ARID1B: variants seen among roughly 807,000 people sequenced by gnomAD.
ARID1B encodes the protein AT-rich interaction domain 1B.
Under a neutral mutation model 212.3 loss-of-function variants are expected in ARID1B, and 30 were observed. That is an observed-to-expected ratio of 0.14 (90% CI 0.11 to 0.19). ARID1B has a LOEUF of 0.19. Among genes scored for constraint, ARID1B ranks in the 10% least tolerant of loss-of-function variants. ARID1B has a pLI of 1.00. For synonymous variants in ARID1B, 1,402 were observed against 1,301.7 expected (o/e 1.08, Z -1.66); for missense variants, 2,891 against 3,204.0 (o/e 0.90, Z 2.36).
chr6:157,104,865 G>A (rs1233338273), intron 5 of ARID1B, among the ~76,000 whole-genome samples: 1 of 152,142 alleles, frequency 6.6e-6, no homozygotes. Flanking sequence ...GGTTGGACAG[G>A]TTGATACTAA....
intron 1 of ARID1B, among the ~76,000 whole-genome samples, chr6:156,786,936 A>C (rs922967840): frequency 7.0e-6 from 1 of 142,200 alleles, no homozygotes; most frequent in East Asian, 2.0e-4. Context: ...TCAGCAGTCT[A>C]TTTGGCCTGC....
At position 157,003,169 on chromosome 6, in the gene ARID1B, A is replaced by G. The variant is rs377417653; in HGVS notation, c.2247+67593A>G. 3.3e-5 allele frequency among the ~76,000 whole-genome samples: 5 copies of G among 152,262 alleles called. No homozygotes were observed. The East Asian group carries it at 7.7e-4, about 24-fold the overall frequency. On this transcript the variant is annotated intron_variant, in intron 4 of 19. Coordinates refer to ENST00000636930, the MANE Select transcript of ARID1B (RefSeq NM_001374828.1). ...GAGGAAGCCATTGGAAAGAGATTTT[A>G]TTTTCGCCTGGGACATGATCTGAGT...
intron 4 of ARID1B, among the ~76,000 whole-genome samples, chr6:156,989,392 A>G (rs1170571309): frequency 6.6e-6 from 1 of 152,260 alleles, no homozygotes; most frequent in African/African-American, 2.4e-5. Flanking sequence ...AAGAGAAGAT[A>G]ATGATGCATT....
At chr6:156,940,091 C>G (rs1792554588) in intron 4 of ARID1B, 1 of 152,150 alleles carries the variant, frequency 6.6e-6, no homozygotes, top group African/African-American at 2.4e-5. Context: ...AGGCATGCTG[C>G]TAGCTTTGTA....
upstream of ARID1B, chr6:156,777,145 G>A (rs1388144755): frequency 6.6e-6 from 1 of 152,220 alleles, no homozygotes; most frequent in Non-Finnish European, 1.5e-5. Flanking sequence ...ACAGCGGCCC[G>A]GGGGGAAAGT....
intron 1 of ARID1B, among the ~76,000 whole-genome samples, chr6:156,808,235 A>C (rs1340391785): frequency 2.0e-5 from 3 of 152,224 alleles, no homozygotes; most frequent in African/African-American, 7.2e-5. Context: ...AGTTATTTGC[A>C]TTCTGTCTTG....
At chr6:156,927,488 G>A (rs1791316842) in intron 3 of ARID1B, among the ~76,000 whole-genome samples, 1 of 151,972 alleles carries the variant, frequency 6.6e-6, no homozygotes, top group African/African-American at 2.4e-5. Context: ...CTGTTTTTTG[G>A]TAAGCATCAA....
At position 156,905,250 on chromosome 6, in the gene ARID1B, G is replaced by GCGCGCGCACACACACA. The variant is rs1554265935; in HGVS notation, c.2136+3726_2136+3727insGCGCGCACACACACAC. On this transcript the variant is annotated intron_variant, in intron 3 of 19. Transcript: ENST00000636930. ...GAATCAATTGTGCTCACATATGCACGCACACACACACACACACACACACAC... is the reference window on the plus strand; with the variant it reads ...GAATCAATTGTGCTCACATATGCACGCGCGCGCACACACACACACACACACACACACACACACACAC... Among the ~76,000 whole-genome samples, 120 of 143,836 alleles carry GCGCGCGCACACACACA rather than the reference G, an allele frequency of 8.3e-4. 1 individual carries two copies. Among genetic ancestry groups the GCGCGCGCACACACACA allele is most frequent in the African/African-American group, 3.0e-3 (116 of 38,314 alleles). The allele number at this position is 143,836 out of a possible 152,430, so 94.4% of individuals were successfully genotyped here.
chr6:157,204,188 G>C, intron 19 of ARID1B, 192 bp downstream of exon 19: 1 of 662,048 alleles, frequency 1.5e-6, no homozygotes, highest in Non-Finnish European at 2.6e-6. Flanking sequence ...TCTTTAGTGT[G>C]TGTACACACA....
chr6:157,186,250 C>T (rs1475877233), intron 13 of ARID1B: 2 of 341,926 alleles, frequency 5.8e-6, no homozygotes, highest in Non-Finnish European at 1.2e-5. Context: ...GCCAGCCGTT[C>T]CCTTTTCCCC....
intron 13 of ARID1B, chr6:157,186,739 A>G (rs1230779702): frequency 2.9e-6 from 1 of 344,564 alleles, no homozygotes; most frequent in Non-Finnish European, 5.7e-6. Context: ...ATTTTTTACC[A>G]GCACATTCAG....
rs115357209 is a variant in ARID1B, at chr6:157,129,900, G to T, written c.2582-3128G>T. Among the ~76,000 whole-genome samples the T allele has an allele frequency of 6.5e-3, 997 of 152,284 alleles. 9 individuals are homozygous for T. Among genetic ancestry groups the T allele is most frequent in the African/African-American group, 0.023 (958 of 41,536 alleles). ...AGTATCGTATACTGCTGGGCGCAGT[G>T]GTTTACACCTGTTATCCCAGCACTG... On this transcript the variant is annotated intron_variant, in intron 6 of 19. Coordinates refer to ENST00000636930, the MANE Select transcript of ARID1B (RefSeq NM_001374828.1).
chr6:156,872,040 C>T (rs539914916), intron 2 of ARID1B, among the ~76,000 whole-genome samples: 66 of 152,172 alleles, frequency 4.3e-4, no homozygotes, highest in Non-Finnish European at 6.9e-4. Flanking sequence ...TGATATTGTA[C>T]GCTGACATAT....
rs376225642 is a variant in ARID1B, at chr6:157,200,849, A to C, written c.4624A>C (p.Ile1542Leu). Residue 1542 changes from isoleucine (I) to leucine (L), a missense_variant, in exon 18 of 20, where the codon ATC becomes CTC. Ile to Leu is a conservative substitution (Grantham distance 5, BLOSUM62 2). Transcript: ENST00000636930. The surrounding 1 kb of genome is among the most constrained non-coding windows in gnomAD (Gnocchi z 4.3). ...CTACTCGGGCCCGGACCGCAGGCCCATCCAGGGCCAGTACCCGTATCCCTA... is the reference window on the plus strand; with the variant it reads ...CTACTCGGGCCCGGACCGCAGGCCCCTCCAGGGCCAGTACCCGTATCCCTA... ...GSYSGPDRRP[I>L]QGQYPYPYSR... 2.5e-6 allele frequency: 4 copies of C among 1,614,086 alleles called. No homozygotes were observed. Among genetic ancestry groups the C allele is most frequent in the African/African-American group, 2.7e-5 (2 of 75,078 alleles).
At chr6:156,967,982 C>T (rs1303399690) in intron 4 of ARID1B, among the ~76,000 whole-genome samples, 2 of 151,940 alleles carry the variant, frequency 1.3e-5, no homozygotes, top group Non-Finnish European at 2.9e-5. Flanking sequence ...GAATTTGTTT[C>T]CTGTTCATTC....
chr6:157,103,631 T>C (rs1159390553), intron 5 of ARID1B, among the ~76,000 whole-genome samples: 1 of 152,208 alleles, frequency 6.6e-6, no homozygotes, highest in African/African-American at 2.4e-5. Flanking sequence ...AGAGTTATGT[T>C]ACTTGAATAT....
At chr6:157,064,856 TG>T (rs1227753790) in intron 4 of ARID1B, among the ~76,000 whole-genome samples, 1 of 152,234 alleles carries the variant, frequency 6.6e-6, no homozygotes, top group Non-Finnish European at 1.5e-5. Context: ...CCTCTTTTTT[TG>T]ATTACTACTC....
Position 156,829,270 on chromosome 6 carries a change from A to G in ARID1B, c.1835A>G (p.Tyr612Cys), listed in dbSNP as rs918679358. The change falls in exon 2 of 20, where the codon TAT (tyrosine) becomes TGT (cysteine). Residue 612 changes from tyrosine (Y) to cysteine (C), a missense_variant. Physicochemically the swap from Tyr to Cys is radical, Grantham distance 194. Transcript: ENST00000636930. ...DPMVMKRPQL[Y>C]GMGSNPHSQP... Reference sequence around the variant, plus strand: ...ATGGTGATGAAGAGACCTCAGTTGTATGGCATGGGCAGTAACCCTCATTCT... The same window carrying G: ...ATGGTGATGAAGAGACCTCAGTTGTGTGGCATGGGCAGTAACCCTCATTCT... 3.7e-6 allele frequency: 6 copies of G among 1,614,220 alleles called. No homozygotes were observed. The highest frequency in any genetic ancestry group is 2.5e-6 in the Non-Finnish European group (3 of 1,180,030).
intron 4 of ARID1B, among the ~76,000 whole-genome samples, chr6:156,975,576 C>T (rs184278515): frequency 1.4e-5 from 2 of 147,512 alleles, no homozygotes; most frequent in Admixed American, 6.7e-5. Flanking sequence ...TTTTTTCCAC[C>T]GGATATAGAA....
Sources: gnomAD v4.1 joint callset for allele counts (sites outside exome capture counted in the v4.1 genomes callset) on GRCh38, gnomAD v4.1.1 for gene constraint, Gnocchi (gnomAD v3.1) non-coding constraint, MANE v1.5 for transcripts, NCBI Gene and HGNC (gene_info 2026-07-23, HGNC 2026-07-21) for gene names.